The following RASGEF1C variants were observed in gnomAD, a reference collection of about 807,000 sequenced individuals.
RASGEF1C encodes the protein ras-GEF domain-containing family member 1C.
RASGEF1C carries 27 observed loss-of-function variants against 58.1 expected under a neutral mutation model. The ratio of observed to expected loss-of-function variants is 0.46; its 90% CI spans 0.34 to 0.64. The LOEUF (loss-of-function observed/expected upper bound fraction) is 0.64. Among genes scored for constraint, RASGEF1C ranks in the 30% least tolerant of loss-of-function variants. RASGEF1C has a pLI of 0.01. For missense variants in RASGEF1C, 502 were observed against 605.1 expected, an observed-to-expected ratio of 0.83 and a Z score of 1.79; for synonymous variants, 243 against 246.3, an observed-to-expected ratio of 0.99 and a Z score of 0.13.
At chr5:180,128,290 G>T in intron 5 of RASGEF1C, 120 bp downstream of exon 5, 2 of 951,788 alleles carry the variant, frequency 2.1e-6, no homozygotes, top group African/African-American at 1.6e-5. Context: ...CATGCTCGAG[G>T]CTAGGCCAGG....
chr5:180,200,853 C>T (rs1327849008), intron 1 of RASGEF1C, among the ~76,000 whole-genome samples: 1 of 152,140 alleles, frequency 6.6e-6, no homozygotes. Context: ...CTCCAGGGCC[C>T]ACGCTGGCAT....
rs144854691 is a variant in RASGEF1C at position 180,120,330 on chromosome 5, T to G, written c.804+730A>C. Among the ~76,000 whole-genome samples the G allele has an allele frequency of 1.3e-4, 20 of 152,292 alleles. No individual in the cohort carries two copies. The East Asian group carries it at 3.5e-3, about 27-fold the overall frequency. ...TGGGGGACAGAGGCCAACTCCTGTGTCCATCGCCACGTCGCATGGGGCCGC... is the reference window on the plus strand; with the variant it reads ...TGGGGGACAGAGGCCAACTCCTGTGGCCATCGCCACGTCGCATGGGGCCGC... On this transcript the variant is annotated intron_variant, in intron 7 of 13. Transcript: ENST00000361132.
intron 1 of RASGEF1C, among the ~76,000 whole-genome samples, chr5:180,203,353 T>C (rs1419099689): frequency 1.3e-5 from 2 of 152,252 alleles, no homozygotes; most frequent in Non-Finnish European, 2.9e-5. Context: ...TAAGCAGTCA[T>C]GCTGGGGAAG....
chr5:180,165,259 A>C (rs2113304317), intron 1 of RASGEF1C, among the ~76,000 whole-genome samples: 1 of 152,302 alleles, frequency 6.6e-6, no homozygotes. Context: ...AGACTTTACA[A>C]TTACTATATT....
intron 1 of RASGEF1C, among the ~76,000 whole-genome samples, chr5:180,178,275 CTTTT>C (rs5873679): frequency 2.1e-4 from 7 of 32,718 alleles, no homozygotes; most frequent in East Asian, 2.0e-3. Context: ...ACCCGGCTGG[CTTTT>C]TTTTTTTTTT....
rs141353901 is a variant in RASGEF1C, at chr5:180,163,938, A to G, written c.-6-25880T>C. Among the ~76,000 whole-genome samples, 338 of 152,300 alleles carry G rather than the reference A, an allele frequency of 2.2e-3. 1 individual carries two copies. Among genetic ancestry groups the G allele is most frequent in the Middle Eastern group, 6.8e-3 (2 of 294 alleles). On this transcript the variant is annotated intron_variant, in intron 1 of 13. Coordinates refer to ENST00000361132, the MANE Select transcript of RASGEF1C (RefSeq NM_175062.4). ...GGTTATAGGACTATTTAGGTTATCT[A>G]TTTCACCTAAGGTAAGTTTTGGAAG... is the stretch of plus-strand genomic sequence containing the variant.
intron 1 of RASGEF1C, among the ~76,000 whole-genome samples, chr5:180,162,491 A>G (rs1212474108): frequency 6.6e-6 from 1 of 152,214 alleles, no homozygotes; most frequent in Non-Finnish European, 1.5e-5. Flanking sequence ...ACAGGCAGCC[A>G]TGTGGGGCAG....
chr5:180,127,813 T>C (rs1042410301), intron 5 of RASGEF1C, 130 bp from the exon 6 acceptor site: 1 of 803,768 alleles, frequency 1.2e-6, no homozygotes, highest in Non-Finnish European at 1.9e-6. Flanking sequence ...CCCTCCCCAC[T>C]GGGGCTTGGA....
chr5:180,113,514 CGGGG>C, intron 11 of RASGEF1C, among the ~76,000 whole-genome samples: 1 of 63,786 alleles, frequency 1.6e-5, no homozygotes, highest in Non-Finnish European at 3.1e-5. Flanking sequence ...ACGGAGGGAT[CGGGG>C]ATGGACGGAG....
chr5:180,153,682 C>A (rs1344772897), intron 1 of RASGEF1C, among the ~76,000 whole-genome samples: 2 of 152,182 alleles, frequency 1.3e-5, no homozygotes, highest in Non-Finnish European at 2.9e-5. Context: ...CTTATTCGTT[C>A]TAATAGCCTT....
intron 1 of RASGEF1C, among the ~76,000 whole-genome samples, chr5:180,176,803 G>T (rs1017361694): frequency 2.0e-5 from 3 of 152,080 alleles, no homozygotes; most frequent in Admixed American, 6.5e-5. Flanking sequence ...TGATCCGCCC[G>T]CCTCGGCCTC....
chr5:180,178,115 C>CACCACCAA (rs1767261283), intron 1 of RASGEF1C, among the ~76,000 whole-genome samples: 1 of 149,798 alleles, frequency 6.7e-6, no homozygotes, highest in East Asian at 2.0e-4. Flanking sequence ...TACAGGCGTG[C>CACCACCAA]ACCACCAAGC....
chr5:180,167,169 A>G (rs1238568839), intron 1 of RASGEF1C, among the ~76,000 whole-genome samples: 1 of 151,694 alleles, frequency 6.6e-6, no homozygotes, highest in Non-Finnish European at 1.5e-5. Flanking sequence ...TCTGTGCCGC[A>G]CTCTTTCTCC....
chr5:180,174,622 G>GCACGCA (rs1479712043), intron 1 of RASGEF1C, among the ~76,000 whole-genome samples: 1 of 70,980 alleles, frequency 1.4e-5, no homozygotes, highest in Non-Finnish European at 2.7e-5. Flanking sequence ...GTGTGTCTGT[G>GCACGCA]TGTGTGTGTG....
Position 180,119,414 on chromosome 5 carries a change from T to C in RASGEF1C, c.839A>G (p.Glu280Gly). Reference sequence around the variant, plus strand: ...CTCGCGGGCCACGTCGATGAAGAACTCAATCACCTGGGCCCTCTGCTTCTT... The same window carrying C: ...CTCGCGGGCCACGTCGATGAAGAACCCAATCACCTGGGCCCTCTGCTTCTT... ...AKKKQRAQVI[E>G]FFIDVARECF... is the part of the protein sequence containing the mutation. The change falls in exon 8 of 14, where the codon GAG (glutamate) becomes GGG (glycine). Residue 280 changes from glutamate to glycine, a missense_variant. Physicochemically the swap from Glu to Gly is moderately conservative, Grantham distance 98. Transcript: ENST00000361132. 1 of 1,614,070 alleles carries C rather than the reference T, an allele frequency of 6.2e-7. No homozygotes were observed. The highest frequency in any genetic ancestry group is 1.1e-5 in the South Asian group (1 of 91,070).
intron 1 of RASGEF1C, among the ~76,000 whole-genome samples, chr5:180,190,509 T>A (rs10044194): frequency 0.041 from 3,956 of 95,676 alleles, 167 homozygotes; most frequent in East Asian, 0.17. Context: ...AAAAAAAAAA[T>A]AATAATAATA....
intron 4 of RASGEF1C, among the ~76,000 whole-genome samples, chr5:180,131,119 A>C (rs777012838): frequency 2.6e-5 from 4 of 152,046 alleles, no homozygotes; most frequent in Admixed American, 6.6e-5. Context: ...TAATGCCCCC[A>C]ATGCATCCAC....
chr5:180,160,738 T>C lies in RASGEF1C; in HGVS notation c.-6-22680A>G, dbSNP rs1254832389. ...AGCAAGCAGAAGAGTATTTCTCCAG[T>C]AAGGGTCTCACATCAGCAAGAAGCC... On this transcript the variant is annotated intron_variant, in intron 1 of 13. Transcript: ENST00000361132. Among the ~76,000 whole-genome samples, 5 of 152,224 alleles carry C rather than the reference T, an allele frequency of 3.3e-5. No individual in the cohort carries two copies. The South Asian group carries it at 1.0e-3, about 32-fold the overall frequency.
At chr5:180,122,801 C>G (rs1167402298) in intron 6 of RASGEF1C, among the ~76,000 whole-genome samples, 1 of 149,050 alleles carries the variant, frequency 6.7e-6, no homozygotes, top group Non-Finnish European at 1.5e-5. Flanking sequence ...CAAAAAACTG[C>G]CAGGGTAACT....
Sources: allele counts gnomAD v4.1 joint callset (sites outside exome capture counted in the v4.1 genomes callset), GRCh38; gene constraint gnomAD v4.1.1; transcripts MANE v1.5; gene names NCBI Gene and HGNC (gene_info 2026-07-23, HGNC 2026-07-21).